The following LRRC36 variants were observed in gnomAD, a reference collection of about 807,000 sequenced individuals.
LRRC36 encodes the protein leucine rich repeat containing 36.
In LRRC36, 62 loss-of-function variants were observed where a neutral mutation model predicts 81.1. The observed-to-expected ratio is 0.76, with a 90% CI of 0.62 to 0.94. LRRC36 has a LOEUF of 0.94. LRRC36 is among the 40% of genes least tolerant of loss of function. The probability of loss-of-function intolerance (pLI) is 0.00; values close to 1 mark genes in which losing one functional copy is unlikely to be tolerated. For missense variants in LRRC36, 761 were observed against 881.7 expected (o/e 0.86, Z 1.73); for synonymous variants, 334 against 348.6 (o/e 0.96, Z 0.47).
At chr16:67,335,138 A>G (rs1352198583) in intron 1 of LRRC36, among the ~76,000 whole-genome samples, 4 of 152,164 alleles carry the variant, frequency 2.6e-5, no homozygotes, top group Non-Finnish European at 4.4e-5. Context: ...GTCTGACCAA[A>G]ATTTATTAGG....
chr16:67,327,844 G>A (rs1448582482), intron 1 of LRRC36, among the ~76,000 whole-genome samples: 1 of 152,170 alleles, frequency 6.6e-6, no homozygotes, highest in Non-Finnish European at 1.5e-5. Context: ...GCTATTGACA[G>A]GCTGAGCAAC....
intron 5 of LRRC36, among the ~76,000 whole-genome samples, chr16:67,360,153 T>C (rs1479337558): frequency 1.3e-5 from 2 of 151,506 alleles, no homozygotes; most frequent in Non-Finnish European, 1.5e-5. Flanking sequence ...AAAGAAAATA[T>C]TGACTTTTTG....
chr16:67,328,628 T>A (rs1185097228), intron 1 of LRRC36, among the ~76,000 whole-genome samples: 1 of 152,252 alleles, frequency 6.6e-6, no homozygotes, highest in Non-Finnish European at 1.5e-5. Context: ...TACCAGTATC[T>A]TGGATAGTTT....
intron 5 of LRRC36, among the ~76,000 whole-genome samples, chr16:67,361,580 CTT>C (rs2039146039): frequency 6.6e-6 from 1 of 152,076 alleles, no homozygotes; most frequent in Non-Finnish European, 1.5e-5. Context: ...GAGATTTTCT[CTT>C]TTCTTTTGGA....
chr16:67,374,056 C>A (rs2039778031), intron 9 of LRRC36, among the ~76,000 whole-genome samples: 1 of 151,898 alleles, frequency 6.6e-6, no homozygotes, highest in Non-Finnish European at 1.5e-5. Context: ...ATTAGCCAGG[C>A]ACGGTGGTGC....
chr16:67,360,673 G>A (rs2039103152), intron 5 of LRRC36, among the ~76,000 whole-genome samples: 1 of 152,176 alleles, frequency 6.6e-6, no homozygotes, highest in South Asian at 2.1e-4. Flanking sequence ...TAAGTAGGAC[G>A]TTTCAGTCCC....
intron 12 of LRRC36, 133 bp downstream of exon 12, chr16:67,378,845 C>T: frequency 1.1e-6 from 1 of 924,260 alleles, no homozygotes; most frequent in Admixed American, 2.6e-5. Context: ...GTTTTCCTGG[C>T]AGTTAACAGA....
intron 8 of LRRC36, among the ~76,000 whole-genome samples, chr16:67,370,725 C>T (rs1208410775): frequency 6.6e-6 from 1 of 151,736 alleles, no homozygotes; most frequent in Non-Finnish European, 1.5e-5. Flanking sequence ...AAGGTCAGAA[C>T]AGATGCGTTT....
intron 5 of LRRC36, 106 bp downstream of exon 5, chr16:67,350,396 T>G (rs950458484): frequency 1.2e-5 from 11 of 932,668 alleles, no homozygotes; most frequent in Non-Finnish European, 1.7e-5. Flanking sequence ...AAGAACCAAT[T>G]TGAAGCAAGC....
intron 1 of LRRC36, among the ~76,000 whole-genome samples, chr16:67,335,038 G>A (rs1178777062): frequency 6.6e-6 from 1 of 152,190 alleles, no homozygotes; most frequent in Non-Finnish European, 1.5e-5. Context: ...CACAGGACCG[G>A]GGTGAAATTA....
chr16:67,365,597 C>T (rs2039348455), intron 7 of LRRC36, among the ~76,000 whole-genome samples: 1 of 152,078 alleles, frequency 6.6e-6, no homozygotes, highest in East Asian at 1.9e-4. Context: ...CTTTTTGTTA[C>T]CTTTCTTGCC....
intron 13 of LRRC36, among the ~76,000 whole-genome samples, chr16:67,384,432 C>G (rs2040219979): frequency 1.3e-5 from 2 of 151,586 alleles, no homozygotes; most frequent in Admixed American, 1.3e-4. Flanking sequence ...GAAACTCTAT[C>G]TCGAAAAAAA....
chr16:67,370,630 CAAAA>C (rs576313559), intron 8 of LRRC36, among the ~76,000 whole-genome samples: 68 of 82,650 alleles, frequency 8.2e-4, no homozygotes, highest in African/African-American at 2.2e-3. Flanking sequence ...GAGACTCTCT[CAAAA>C]AAAAAAAAAA....
chr16:67,326,885 A>T lies in LRRC36; in HGVS notation c.23A>T (p.Asp8Val). ...GGGATGGCGGAGCAATGGGAGCTGG[A>T]CGAGGAAGGCATTCGCCGCCTGGGG... MAEQWEL[D>V]EEGIRRLGAL... The change falls in exon 1 of 14, where the codon GAC becomes GTC. Residue 8 changes from aspartate (D) to valine (V), a missense_variant. Transcript: ENST00000329956. 1 of 1,462,172 alleles carries T rather than the reference A, an allele frequency of 6.8e-7. No homozygotes were observed. Among genetic ancestry groups the T allele is most frequent in the Non-Finnish European group, 8.9e-7 (1 of 1,118,392 alleles). 90.6% of individuals were successfully genotyped at this position (1,462,172 alleles called of 1,614,324 possible).
intron 1 of LRRC36, 51 bp from the exon 2 acceptor site, chr16:67,341,906 C>G: frequency 6.6e-7 from 1 of 1,505,754 alleles, no homozygotes; most frequent in South Asian, 1.3e-5. Context: ...ACTGACTCTG[C>G]TGTTGATCCG....
intron 1 of LRRC36, among the ~76,000 whole-genome samples, chr16:67,339,652 G>T (rs1344851266): frequency 1.3e-5 from 2 of 152,144 alleles, no homozygotes; most frequent in East Asian, 3.9e-4. Context: ...TCCCTCTTCT[G>T]TTGTGTTCAC....
chr16:67,343,528 C>G (rs895860268), intron 2 of LRRC36, among the ~76,000 whole-genome samples: 1 of 151,970 alleles, frequency 6.6e-6, no homozygotes, highest in African/African-American at 2.4e-5. Flanking sequence ...AACCCCGTCT[C>G]TACTAAAAAT....
chr16:67,346,270 A>G lies in LRRC36; in HGVS notation c.213A>G (p.Leu71=), dbSNP rs1205111495. ...LITSLKGIQY[L]CSLQDLNLYY... Reference sequence around the variant, plus strand: ...TTTCCTTGTAGGGAATCCAGTATTTATGTTCACTCCAAGACCTGAATTTAT... The same window carrying G: ...TTTCCTTGTAGGGAATCCAGTATTTGTGTTCACTCCAAGACCTGAATTTAT... Residue 71 remains leucine (L), a synonymous_variant, in exon 3 of 14, where the codon TTA becomes TTG. Coordinates refer to ENST00000329956, the MANE Select transcript of LRRC36 (RefSeq NM_018296.6). The G allele has an allele frequency of 6.3e-7, 1 of 1,582,226 alleles. No individual in the cohort carries two copies. The highest frequency in any genetic ancestry group is 1.7e-4 in the Middle Eastern group (1 of 5,952).
At chr16:67,378,023 G>C (rs2039970707) in intron 11 of LRRC36, among the ~76,000 whole-genome samples, 1 of 152,160 alleles carries the variant, frequency 6.6e-6, no homozygotes, top group South Asian at 2.1e-4. Context: ...CTGGCCATTT[G>C]TCAAAATGAC....
Sources: gnomAD v4.1 joint callset for allele counts (sites outside exome capture counted in the v4.1 genomes callset) on GRCh38, gnomAD v4.1.1 for gene constraint, MANE v1.5 for transcripts, NCBI Gene and HGNC (gene_info 2026-07-23, HGNC 2026-07-21) for gene names.